The following RFX6 variants were observed in gnomAD, a reference collection of about 807,000 sequenced individuals.
The protein encoded by RFX6 is regulatory factor X6.
RFX6 carries 50 observed loss-of-function variants against 110.8 expected under a neutral mutation model. The ratio of observed to expected loss-of-function variants is 0.45; its 90% CI spans 0.36 to 0.57. RFX6 has a LOEUF of 0.57. Ranked by LOEUF, RFX6 falls within the 20% of genes least tolerant of loss-of-function variation. The probability of loss-of-function intolerance (pLI) is 0.00; values close to 1 mark genes in which losing one functional copy is unlikely to be tolerated. For missense variants in RFX6, 990 were observed against 1,127.0 expected (o/e 0.88, Z 1.74); for synonymous variants, 383 against 411.2 (o/e 0.93, Z 0.83).
intron 14 of RFX6, chr6:116,923,567 A>C (rs1775648405): frequency 3.9e-6 from 1 of 258,782 alleles, no homozygotes; most frequent in Admixed American, 5.0e-5. Context: ...AGCTATTATC[A>C]TTACATTCCA....
chr6:116,929,928 A>C (rs1239565236), intron 18 of RFX6, among the ~76,000 whole-genome samples: 2 of 152,182 alleles, frequency 1.3e-5, no homozygotes, highest in African/African-American at 2.4e-5. Flanking sequence ...ACTGTCACAC[A>C]TGCTCCCTGA....
At position 116,897,903 on chromosome 6, in the gene RFX6, C is replaced by A. The variant is rs181831262; in HGVS notation, c.672+2696C>A. ...GGATATATGTGATTGGAAAGGAGGA[C>A]TTCAAGATTTAGTTTGATGGTGATT... On this transcript the variant is annotated intron_variant, in intron 6 of 18. Transcript: ENST00000332958. Among the ~76,000 whole-genome samples the A allele has an allele frequency of 3.5e-3, 532 of 152,094 alleles. 14 individuals are homozygous for A. Among genetic ancestry groups the A allele is most frequent in the Non-Finnish European group, 6.3e-4 (43 of 67,986 alleles).
chr6:116,927,113 C>T lies in RFX6; in HGVS notation c.1972C>T (p.Gln658Ter). The T allele has an allele frequency of 6.2e-7, 1 of 1,614,104 alleles. No homozygotes were observed. The highest frequency in any genetic ancestry group is 1.1e-5 in the South Asian group (1 of 91,080). The change falls in exon 17 of 19, where the codon CAA becomes TAA. Residue 658 changes from glutamine to a stop codon, truncating the protein, a stop_gained. Transcript: ENST00000332958. LOFTEE classifies it high-confidence loss of function. ...GGCAAGCCGAGGAAGTGTCATTAAC[C>T]AAGGACCAATGGCAGGGAGGCCCCC... ...AMASRGSVIN[Q>*]GPMAGRPPSV...
At chr6:116,895,670 ACACACACG>A (rs1358750489) in intron 6 of RFX6, among the ~76,000 whole-genome samples, 2 of 151,856 alleles carry the variant, frequency 1.3e-5, no homozygotes, top group African/African-American at 4.8e-5. Flanking sequence ...ACACACACAC[ACACACACG>A]TATACAATCT....
chr6:116,911,081 T>A (rs1169891564), intron 7 of RFX6, 39 bp downstream of exon 7: 10 of 1,350,890 alleles, frequency 7.4e-6, no homozygotes, highest in Non-Finnish European at 1.1e-5. Context: ...TTTTCTGATA[T>A]GTTGGCTCCA....
At chr6:116,903,164 G>A (rs373292268) in intron 6 of RFX6, among the ~76,000 whole-genome samples, 2 of 151,872 alleles carry the variant, frequency 1.3e-5, no homozygotes, top group Non-Finnish European at 2.9e-5. Flanking sequence ...CTCTCTTTTT[G>A]TGTTACACTT....
chr6:116,897,400 A>G (rs1197934512), intron 6 of RFX6, among the ~76,000 whole-genome samples: 2 of 152,232 alleles, frequency 1.3e-5, no homozygotes, highest in Non-Finnish European at 2.9e-5. Context: ...GACATTGCCA[A>G]ATGTCAACTA....
rs1273288733 is a variant in RFX6 at position 116,877,486 on chromosome 6, G to T, written c.211G>T (p.Ala71Ser). Residue 71 changes from alanine to serine, a missense_variant, in exon 1 of 19, where the codon GCA becomes TCA. Around this residue, in one of 5 missense-constraint regions of RFX6, gnomAD observed 175 missense variants for 162.3 expected, o/e 1.08. Coordinates refer to ENST00000332958, the MANE Select transcript of RFX6 (RefSeq NM_173560.4). ...EKGEDPELPG[A>S]VKSEMHLNNG... ...AGGCGAAGACCCGGAGCTGCCGGGG[G>T]CAGTGAAATCAGGTGAGTGCTCTGC... is the stretch of plus-strand genomic sequence containing the variant. The T allele has an allele frequency of 1.9e-6, 3 of 1,558,356 alleles. No homozygotes were observed. Among genetic ancestry groups the T allele is most frequent in the Non-Finnish European group, 2.6e-6 (3 of 1,150,614 alleles).
chr6:116,905,649 T>C (rs1437217479), intron 6 of RFX6, among the ~76,000 whole-genome samples: 3 of 151,740 alleles, frequency 2.0e-5, no homozygotes, highest in African/African-American at 7.3e-5. Context: ...GCCTCCCGTG[T>C]TCAAGCATTC....
chr6:116,909,083 C>A (rs1475888271), intron 6 of RFX6, among the ~76,000 whole-genome samples: 1 of 151,872 alleles, frequency 6.6e-6, no homozygotes, highest in Non-Finnish European at 1.5e-5. Context: ...CTGTTAAAAT[C>A]TTTTGAGTCT....
chr6:116,928,853 G>A lies in RFX6; in HGVS notation c.2493G>A (p.Leu831=), dbSNP rs552318470. The A allele has an allele frequency of 6.2e-7, 1 of 1,613,604 alleles. No individual in the cohort carries two copies. The highest frequency in any genetic ancestry group is 1.1e-5 in the South Asian group (1 of 91,068). The change falls in exon 18 of 19, where the codon CTG becomes CTA. Residue 831 remains leucine (L), a synonymous_variant. Coordinates refer to ENST00000332958, the MANE Select transcript of RFX6 (RefSeq NM_173560.4). Reference sequence around the variant, plus strand: ...CTGTCATCAGCAGCATTCGTTCACTGCCCCCCTACAGTGACATCCACGATC... The same window carrying A: ...CTGTCATCAGCAGCATTCGTTCACTACCCCCCTACAGTGACATCCACGATC... ...HVSVISSIRS[L]PPYSDIHDPL... is the part of the protein sequence containing the mutation.
chr6:116,909,367 T>C (rs995646640), intron 6 of RFX6, among the ~76,000 whole-genome samples: 1 of 152,098 alleles, frequency 6.6e-6, no homozygotes, highest in African/African-American at 2.4e-5. Context: ...CCAACAAATG[T>C]TAGTTTTCTG....
At chr6:116,924,304 G>C (rs983279225) in intron 14 of RFX6, among the ~76,000 whole-genome samples, 1 of 152,194 alleles carries the variant, frequency 6.6e-6, no homozygotes, top group Admixed American at 6.5e-5. Context: ...AAATAGAGCA[G>C]AGTAGAGCTC....
In RFX6 at chr6:116,912,039, T is replaced by C. The variant is rs1775363341; in HGVS notation, c.780+997T>C. Among the ~76,000 whole-genome samples, 6 of 152,270 alleles carry C rather than the reference T, an allele frequency of 3.9e-5. No homozygotes were observed. In the South Asian group the frequency reaches 1.2e-3, roughly 32 times the overall value. ...TGAAAACATGTCTTTTGCAGCAACA[T>C]GGATGCAGCTGGAGGCCATTAACAT... On this transcript the variant is annotated intron_variant, in intron 7 of 18. Transcript: ENST00000332958.
chr6:116,879,218 C>G (rs1354283261), intron 2 of RFX6, among the ~76,000 whole-genome samples: 1 of 151,652 alleles, frequency 6.6e-6, no homozygotes, highest in Non-Finnish European at 1.5e-5. Flanking sequence ...ACTTGTACCC[C>G]AAATGAACAT....
Position 116,923,191 on chromosome 6 carries a change from C to A in RFX6, c.1522C>A (p.His508Asn). Residue 508 changes from histidine (H) to asparagine (N), a missense_variant, in exon 14 of 19, where the codon CAT (histidine) becomes AAT (asparagine). Around this residue, in one of 5 missense-constraint regions of RFX6, gnomAD observed 89 missense variants for 140.3 expected, o/e 0.63. Transcript: ENST00000332958. ...GAGTTTTTTTGGTGCTCGAGTAATG[C>A]ATAATCTCACCTTGAACAATGCATC... ...KWSFFGARVMHNLTLNNASSF... is the reference protein window; with the variant it reads ...KWSFFGARVMNNLTLNNASSF... 1 of 1,585,280 alleles carries A rather than the reference C, an allele frequency of 6.3e-7. No homozygotes were observed. Among genetic ancestry groups the A allele is most frequent in the Non-Finnish European group, 8.7e-7 (1 of 1,153,886 alleles).
At chr6:116,896,655 C>A (rs543196216) in intron 6 of RFX6, among the ~76,000 whole-genome samples, 1 of 152,022 alleles carries the variant, frequency 6.6e-6, no homozygotes, top group South Asian at 2.1e-4. Flanking sequence ...TTGCAGTGAG[C>A]CATGATTGTG....
At chr6:116,923,389 G>A in intron 14 of RFX6, 165 bp downstream of exon 14, 1 of 623,102 alleles carries the variant, frequency 1.6e-6, no homozygotes, top group Non-Finnish European at 2.9e-6. Context: ...TTTGGAGTCA[G>A]ACCATAAGCA....
At position 116,931,535 on chromosome 6, in the gene RFX6, CT is replaced by C; in HGVS notation, c.*32del. 1 of 1,548,560 alleles carries C rather than the reference CT, an allele frequency of 6.5e-7. No homozygotes were observed. Among genetic ancestry groups the C allele is most frequent in the Non-Finnish European group, 8.9e-7 (1 of 1,126,260 alleles). On this transcript the variant is annotated 3_prime_UTR_variant, in exon 19 of 19. Coordinates refer to ENST00000332958, the MANE Select transcript of RFX6 (RefSeq NM_173560.4). ...ACCAATGTGGGAGGGGGTGCTAAAA[CT>C]TTAAAAAAAATCTCTACTGTGCAAA...
Sources: gnomAD v4.1 joint callset for allele counts (sites outside exome capture counted in the v4.1 genomes callset) on GRCh38, gnomAD v4.1.1 for gene constraint, gnomAD v4.1.1 regional missense constraint, MANE v1.5 for transcripts, NCBI Gene and HGNC (gene_info 2026-07-23, HGNC 2026-07-21) for gene names.